CLTCL1: variants seen among roughly 807,000 people sequenced by gnomAD.
CLTCL1 encodes clathrin heavy chain like 1.
In CLTCL1, 159 loss-of-function variants were observed where a neutral mutation model predicts 190.0. The ratio of observed to expected loss-of-function variants is 0.84; its 90% CI spans 0.74 to 0.95. CLTCL1 has a LOEUF of 0.95. Among genes scored for constraint, CLTCL1 ranks in the 40% least tolerant of loss-of-function variants. The pLI is 0.00. For synonymous variants in CLTCL1, 752 were observed against 769.6 expected (o/e 0.98, Z 0.38); for missense variants, 1,878 against 2,033.4 (o/e 0.92, Z 1.47).
chr22:19,234,438 T>C (rs1555960817), intron 7 of CLTCL1, 71 bp downstream of exon 7: 3 of 1,328,444 alleles, frequency 2.3e-6, no homozygotes, highest in Non-Finnish European at 3.1e-6. Flanking sequence ...GAAATGCTTT[T>C]ATGACTTATT....
At chr22:19,272,140 A>C (rs1569246715) in intron 2 of CLTCL1, among the ~76,000 whole-genome samples, 2 of 152,208 alleles carry the variant, frequency 1.3e-5, no homozygotes, top group African/African-American at 4.8e-5. Context: ...TTCCTAGTTC[A>C]GGAGCAAAAA....
At chr22:19,208,801 G>T in intron 21 of CLTCL1, 121 bp downstream of exon 21, 4 of 785,450 alleles carry the variant, frequency 5.1e-6, no homozygotes, top group South Asian at 2.1e-5. Flanking sequence ...ATGTAGATGT[G>T]CCCTCTGATA....
chr22:19,211,685 C>T (rs561881533), intron 19 of CLTCL1, among the ~76,000 whole-genome samples: 12 of 150,346 alleles, frequency 8.0e-5, no homozygotes, highest in East Asian at 2.0e-4. Flanking sequence ...GAGAATGGCA[C>T]GAACCCAGGA....
At chr22:19,192,165 A>G (rs1294046830) in intron 26 of CLTCL1, among the ~76,000 whole-genome samples, 14 of 147,330 alleles carry the variant, frequency 9.5e-5, no homozygotes, top group Non-Finnish European at 2.1e-4. Context: ...TCCTGGGTTC[A>G]TGCCATTCTC....
At position 19,210,337 on chromosome 22, in the gene CLTCL1, AGG is replaced by A; in HGVS notation, c.3236_3237del (p.Ala1079ValfsTer18). The A allele has an allele frequency of 1.2e-6, 2 of 1,613,840 alleles. No individual in the cohort carries two copies. The highest frequency in any genetic ancestry group is 1.7e-6 in the Non-Finnish European group (2 of 1,179,742). On this transcript the variant is annotated frameshift_variant, in exon 20 of 33. Coordinates refer to ENST00000427926, the MANE Select transcript of CLTCL1 (RefSeq NM_007098.4). LOFTEE classifies it high-confidence loss of function. ...FTVFHKFDMN[A>X]SAIQVLIEHI... is the part of the protein sequence containing the mutation. ...ACTCAGCAGCCCACCTGGATTGCTG[AGG>A]CATTCATATCAAACTTGTGGAAAAC... is the stretch of plus-strand genomic sequence containing the variant.
intron 29 of CLTCL1, among the ~76,000 whole-genome samples, chr22:19,185,028 TAC>T (rs1377731592): frequency 2.6e-5 from 4 of 152,254 alleles, no homozygotes; most frequent in Admixed American, 6.5e-5. Context: ...CATCTGGAAA[TAC>T]AGTTTTCTGT....
chr22:19,287,463 T>C (rs1409216401), intron 1 of CLTCL1, among the ~76,000 whole-genome samples: 2 of 152,100 alleles, frequency 1.3e-5, no homozygotes, highest in African/African-American at 4.8e-5. Context: ...TGAGCAGGTG[T>C]TGGGCTGGGA....
chr22:19,242,720 C>T, intron 4 of CLTCL1, 55 bp downstream of exon 4: 4 of 1,603,584 alleles, frequency 2.5e-6, no homozygotes, highest in Non-Finnish European at 3.4e-6. Context: ...ACGCACACCC[C>T]TAACACCAGC....
chr22:19,216,335 G>C, intron 18 of CLTCL1, 79 bp from the exon 19 acceptor site: 3 of 1,386,024 alleles, frequency 2.2e-6, no homozygotes, highest in Non-Finnish European at 3.0e-6. Context: ...AGAAGGGAAG[G>C]ACTCCTCCAA....
intron 22 of CLTCL1, chr22:19,207,791 G>C: frequency 3.4e-6 from 2 of 583,744 alleles, no homozygotes; most frequent in Non-Finnish European, 6.1e-6. Context: ...GCACACGCGA[G>C]GATCTGTGTT....
intron 11 of CLTCL1, among the ~76,000 whole-genome samples, chr22:19,228,273 A>T (rs2145831964): frequency 6.6e-6 from 1 of 152,310 alleles, no homozygotes; most frequent in South Asian, 2.1e-4. Context: ...CCTCATAGCA[A>T]CAGTGTATTT....
chr22:19,228,810 A>C (rs1159958755), intron 11 of CLTCL1, among the ~76,000 whole-genome samples: 1 of 152,196 alleles, frequency 6.6e-6, no homozygotes, highest in Non-Finnish European at 1.5e-5. Flanking sequence ...AATAGCACAG[A>C]CATGTGATTT....
In CLTCL1 at chr22:19,291,665, G is replaced by A. The variant is rs1569270047; in HGVS notation, c.-24C>T. 7.3e-7 allele frequency: 1 copy of A among 1,364,310 alleles called. No individual in the cohort carries two copies. The highest frequency in any genetic ancestry group is 2.1e-4 in the Middle Eastern group (1 of 4,872). 84.5% of individuals were successfully genotyped at this position (1,364,310 alleles called of 1,614,324 possible). ...ATGGCTGGTGCGGGACCTCGGCGGCGGCGGCGGCAGCGGCAGGAATGAACG... is the reference window on the plus strand; with the variant it reads ...ATGGCTGGTGCGGGACCTCGGCGGCAGCGGCGGCAGCGGCAGGAATGAACG... On this transcript the variant is annotated 5_prime_UTR_variant, in exon 1 of 33. Coordinates refer to ENST00000427926, the MANE Select transcript of CLTCL1 (RefSeq NM_007098.4).
At chr22:19,215,485 C>A (rs2085353293) in intron 19 of CLTCL1, among the ~76,000 whole-genome samples, 1 of 152,204 alleles carries the variant, frequency 6.6e-6, no homozygotes, top group Non-Finnish European at 1.5e-5. Context: ...TGGTGCCTGC[C>A]CATGCAAAAG....
At chr22:19,195,991 C>G (rs1285369871) in intron 26 of CLTCL1, among the ~76,000 whole-genome samples, 1 of 152,236 alleles carries the variant, frequency 6.6e-6, no homozygotes, top group Admixed American at 6.5e-5. Context: ...GGCGGGCAGG[C>G]AGGGCCACAG....
chr22:19,217,169 C>T (rs1163097595), intron 18 of CLTCL1, among the ~76,000 whole-genome samples: 1 of 152,092 alleles, frequency 6.6e-6, no homozygotes, highest in East Asian at 1.9e-4. Context: ...GTAGTAACTA[C>T]AACAAGGAGG....
intron 5 of CLTCL1, among the ~76,000 whole-genome samples, 199 bp downstream of exon 5, chr22:19,239,076 C>T (rs1451477995): frequency 1.3e-5 from 2 of 152,124 alleles, no homozygotes; most frequent in Non-Finnish European, 2.9e-5. Context: ...CCTAACTCAC[C>T]CTCATGCCGG....
In CLTCL1 at chr22:19,180,941, G is replaced by A. The variant is rs376159789; in HGVS notation, c.4828-135C>T. On this transcript the variant is annotated intron_variant, in intron 30 of 32. Coordinates refer to ENST00000427926, the MANE Select transcript of CLTCL1 (RefSeq NM_007098.4). ...GGAGGAGGTGCACATGGGCAGATGT[G>A]GAGTGGCTCAGCCCACACCCCATGC... The A allele has an allele frequency of 4.0e-4, 301 of 745,856 alleles. 1 individual carries two copies. In the South Asian group the frequency reaches 4.6e-3, roughly 11 times the overall value. 46.2% of individuals were successfully genotyped at this position (745,856 alleles called of 1,614,324 possible). A position where few individuals can be genotyped will look rare whatever the true frequency, so the allele number is the denominator to read the frequency against.
At chr22:19,184,491 G>A (rs1246508006) in intron 29 of CLTCL1, 3 of 456,014 alleles carry the variant, frequency 6.6e-6, no homozygotes, top group Non-Finnish European at 1.3e-5. Context: ...AGTCTCCCCC[G>A]CTGGCATGCT....
Sources: allele counts gnomAD v4.1 joint callset (sites outside exome capture counted in the v4.1 genomes callset), GRCh38; gene constraint gnomAD v4.1.1; transcripts MANE v1.5; gene names NCBI Gene and HGNC (gene_info 2026-07-23, HGNC 2026-07-21).